The following NUP188 variants were observed in gnomAD, a reference collection of about 807,000 sequenced individuals.
NUP188 encodes the protein nucleoporin 188, also known as nucleoporin NUP188.
Under a neutral mutation model 223.0 loss-of-function variants are expected in NUP188, and 97 were observed. The ratio of observed to expected loss-of-function variants is 0.43; its 90% CI spans 0.37 to 0.51. NUP188 has a LOEUF of 0.51. Among genes scored for constraint, NUP188 ranks in the 20% least tolerant of loss-of-function variants. The probability of loss-of-function intolerance (pLI) is 0.00; values close to 1 mark genes in which losing one functional copy is unlikely to be tolerated. For missense variants in NUP188, 1,947 were observed against 2,175.6 expected (o/e 0.89, Z 2.09); for synonymous variants, 869 against 828.0 (o/e 1.05, Z -0.85).
intron 12 of NUP188, 48 bp downstream of exon 12, chr9:128,973,297 A>G (rs1235102595): frequency 1.5e-6 from 2 of 1,344,192 alleles, no homozygotes; most frequent in African/African-American, 2.9e-5. Context: ...CAGCTTTGCA[A>G]TCAAGTCCCA....
At chr9:128,954,726 C>T (rs1841844894) in intron 3 of NUP188, among the ~76,000 whole-genome samples, 1 of 151,938 alleles carries the variant, frequency 6.6e-6, no homozygotes, top group Non-Finnish European at 1.5e-5. Flanking sequence ...TTTTCATGAC[C>T]TTGAACAAGT....
Position 128,979,252 on chromosome 9 carries a change from C to A in NUP188, c.1204-10C>A. The stretch of plus-strand genomic sequence containing the variant: ...GAAAATGATCCATTTTTCTTCCCTT[C>A]CTCAAACAGGATATAATTGATACAG... On this transcript the variant is annotated splice_polypyrimidine_tract_variant and intron_variant, in intron 12 of 43. Transcript: ENST00000372577. The A allele has an allele frequency of 6.2e-7, 1 of 1,604,150 alleles. No individual in the cohort carries two copies. The highest frequency in any genetic ancestry group is 8.5e-7 in the Non-Finnish European group (1 of 1,172,734).
At chr9:128,968,405 C>A in intron 8 of NUP188, 101 bp from the exon 9 acceptor site, 1 of 861,640 alleles carries the variant, frequency 1.2e-6, no homozygotes, top group South Asian at 1.6e-5. Flanking sequence ...GCACTGTATC[C>A]TGGGTGACAG....
At chr9:128,961,305 A>C (rs1307574366) in intron 8 of NUP188, among the ~76,000 whole-genome samples, 8 of 146,354 alleles carry the variant, frequency 5.5e-5, no homozygotes, top group Non-Finnish European at 9.0e-5. Flanking sequence ...ACTCCAGCCT[A>C]GGCGACAGAG....
chr9:128,996,172 C>T (rs1030952909), intron 30 of NUP188, among the ~76,000 whole-genome samples: 10 of 149,130 alleles, frequency 6.7e-5, no homozygotes, highest in Non-Finnish European at 8.9e-5. Flanking sequence ...TTTCTTGAGA[C>T]GGAGTCTTGC....
intron 12 of NUP188, among the ~76,000 whole-genome samples, chr9:128,973,583 A>G (rs901363420): frequency 5.3e-5 from 8 of 152,068 alleles, no homozygotes; most frequent in African/African-American, 1.9e-4. Context: ...GGCTTTCACC[A>G]TGTCGACCAG....
rs1842287382 is a variant in NUP188 at position 128,983,569 on chromosome 9, T to C, written c.1961+19T>C. On this transcript the variant is annotated intron_variant, in intron 19 of 43. Coordinates refer to ENST00000372577, the MANE Select transcript of NUP188 (RefSeq NM_015354.3). ...TGATTAGGTGAGCCAAGTCCTAGGG[T>C]GGTGGGCCATATTCCCTAGTGAGAA... The C allele has an allele frequency of 1.3e-6, 2 of 1,577,324 alleles. No individual in the cohort carries two copies. Among genetic ancestry groups the C allele is most frequent in the Non-Finnish European group, 1.7e-6 (2 of 1,147,120 alleles).
In NUP188 at chr9:128,995,413, G is replaced by C. The variant is rs1842505699; in HGVS notation, c.3250G>C (p.Val1084Leu). ...GTCAGGGTATGTCAAGTCATTGGCA[G>C]TTCACGTGGCCGAAACAGAAGGCAG... ...YWSGYVKSLAVHVAETEGSSC... is the reference protein window; with the variant it reads ...YWSGYVKSLALHVAETEGSSC... The change falls in exon 30 of 44, where the codon GTT (valine) becomes CTT (leucine). Residue 1084 changes from valine to leucine, a missense_variant. This residue lies in a region of NUP188 where 905 missense variants were observed against 990.6 expected (regional missense o/e 0.91). Transcript: ENST00000372577. The C allele has an allele frequency of 1.9e-6, 3 of 1,614,006 alleles. No individual in the cohort carries two copies. In the East Asian group the frequency reaches 6.7e-5, roughly 36 times the overall value.
At position 128,994,427 on chromosome 9, in the gene NUP188, C is replaced by G. The variant is rs752588754; in HGVS notation, c.3072C>G (p.Pro1024=). Residue 1024 remains proline (P), a synonymous_variant, in exon 28 of 44, where the codon CCC becomes CCG. Transcript: ENST00000372577. The part of the protein sequence containing the change: ...TSPLFGTLSP[P]SETSEPSILE... ...CGCTGTTTGGAACCCTTTCTCCTCC[C>G]TCTGAAACATCAGAGGTAAGCTGTG... The G allele has an allele frequency of 6.2e-7, 1 of 1,613,140 alleles. No homozygotes were observed. Among genetic ancestry groups the G allele is most frequent in the East Asian group, 2.2e-5 (1 of 44,878 alleles).
At chr9:128,989,686 A>G (rs1335766535) in intron 24 of NUP188, among the ~76,000 whole-genome samples, 1 of 152,062 alleles carries the variant, frequency 6.6e-6, no homozygotes, top group Non-Finnish European at 1.5e-5. Flanking sequence ...TTTAAAAATT[A>G]GCTGGACGTG....
rs1204953953 is a variant in NUP188, at chr9:128,994,841, C to T, written c.3088-15C>T. On this transcript the variant is annotated splice_polypyrimidine_tract_variant and intron_variant, in intron 28 of 43. Coordinates refer to ENST00000372577, the MANE Select transcript of NUP188 (RefSeq NM_015354.3). Reference sequence around the variant, plus strand: ...ATCAGAGATGTGATAATTGCCTGTTCTGCTATCTCCACAGCCCAGCATCCT... The same window carrying T: ...ATCAGAGATGTGATAATTGCCTGTTTTGCTATCTCCACAGCCCAGCATCCT... 2 of 1,609,636 alleles carry T rather than the reference C, an allele frequency of 1.2e-6. No individual in the cohort carries two copies. The highest frequency in any genetic ancestry group is 2.7e-5 in the African/African-American group (2 of 74,728).
rs756225049 is a variant in NUP188, at chr9:128,970,790, C to T, written c.945C>T (p.Asp315=). The change falls in exon 11 of 44, where the codon GAC becomes GAT. Residue 315 remains aspartate, a synonymous_variant. Coordinates refer to ENST00000372577, the MANE Select transcript of NUP188 (RefSeq NM_015354.3). ...DMDCLMLTFG[D]IPHHAPVLLA... ...ACTGTTTAATGTTGACCTTTGGGGA[C>T]ATTCCACATCATGCCCCAGTGCTTT... 3 of 1,614,168 alleles carry T rather than the reference C, an allele frequency of 1.9e-6. No individual in the cohort carries two copies.
intron 36 of NUP188, 129 bp downstream of exon 36, chr9:129,002,105 T>A: frequency 1.4e-6 from 1 of 722,898 alleles, no homozygotes; most frequent in Non-Finnish European, 2.4e-6. Context: ...TGGTGAGGAA[T>A]CTTCCCTGCC....
intron 3 of NUP188, among the ~76,000 whole-genome samples, chr9:128,955,981 A>C (rs1841863049): frequency 1.6e-5 from 1 of 63,410 alleles, no homozygotes; most frequent in Non-Finnish European, 2.7e-5. Context: ...TTGGTAAGTT[A>C]TTTACCCTAA....
At chr9:129,005,577 T>C in intron 40 of NUP188, 47 bp downstream of exon 40, 1 of 1,611,806 alleles carries the variant, frequency 6.2e-7, no homozygotes, top group Non-Finnish European at 8.5e-7. Flanking sequence ...AAGGCTCTGC[T>C]CTGCTGTGTA....
At chr9:129,002,503 T>G (rs1050634839) in intron 36 of NUP188, among the ~76,000 whole-genome samples, 3 of 152,208 alleles carry the variant, frequency 2.0e-5, no homozygotes, top group Non-Finnish European at 2.9e-5. Flanking sequence ...TCGTGAAGTA[T>G]TTGGTCATCT....
At chr9:128,992,859 T>G (rs2131177269) in intron 25 of NUP188, among the ~76,000 whole-genome samples, 1 of 152,386 alleles carries the variant, frequency 6.6e-6, no homozygotes, top group African/African-American at 2.4e-5. Flanking sequence ...TGTAACAGTT[T>G]ATACTTATAA....
rs1337461997 is a variant in NUP188, at chr9:128,987,084, A to AGTGTGT, written c.2264+210_2264+211insTGTGTG. On this transcript the variant is annotated intron_variant, in intron 22 of 43. Transcript: ENST00000372577. Reference sequence around the variant, plus strand: ...AGGAATGAGAGAGAGAGAGAGAGAGAGAGAGTGTGTGTGTGTGTGTGTGTG... The same window carrying AGTGTGT: ...AGGAATGAGAGAGAGAGAGAGAGAGAGTGTGTGAGAGTGTGTGTGTGTGTGTGTGTG... 3.3e-4 allele frequency among the ~76,000 whole-genome samples: 42 copies of AGTGTGT among 128,222 alleles called. No individual in the cohort carries two copies. In the East Asian group the frequency reaches 7.8e-3, roughly 24 times the overall value. 84.1% of individuals were successfully genotyped at this position (128,222 alleles called of 152,430 possible). A position where few individuals can be genotyped will look rare whatever the true frequency, so the allele number is the denominator to read the frequency against.
At chr9:128,980,831 A>G in intron 14 of NUP188, 106 bp downstream of exon 14, 3 of 1,205,662 alleles carry the variant, frequency 2.5e-6, no homozygotes, top group Non-Finnish European at 3.5e-6. Context: ...CCATGACAAA[A>G]GTTTGTCTGA....
Sources: allele counts gnomAD v4.1 joint callset (sites outside exome capture counted in the v4.1 genomes callset), GRCh38; gene constraint gnomAD v4.1.1; regional missense constraint gnomAD v4.1.1; transcripts MANE v1.5; gene names NCBI Gene and HGNC (gene_info 2026-07-23, HGNC 2026-07-21).